The following DDX49 variants were observed in gnomAD, a reference collection of about 807,000 sequenced individuals.
The protein encoded by DDX49 is probable ATP-dependent RNA helicase DDX49.
In DDX49, 50 loss-of-function variants were observed where a neutral mutation model predicts 56.3. That is an observed-to-expected ratio of 0.89 (90% CI 0.71 to 1.12). The LOEUF (loss-of-function observed/expected upper bound fraction) is 1.12. Among genes scored for constraint, DDX49 ranks in the 50% most tolerant of loss-of-function variants. The pLI is 0.00. For missense variants in DDX49, 614 were observed against 650.5 expected (o/e 0.94, Z 0.61); for synonymous variants, 269 against 270.6 (o/e 0.99, Z 0.06).
intron 10 of DDX49, 69 bp from the exon 11 acceptor site, chr19:18,927,697 C>G (rs2056972736): frequency 4.3e-6 from 6 of 1,387,408 alleles, no homozygotes; most frequent in Non-Finnish European, 5.1e-6. Context: ...GAACTCACTA[C>G]TTGGCTGAAC....
At chr19:18,922,147 A>C in intron 4 of DDX49, 179 bp from the exon 5 acceptor site, 1 of 1,163,820 alleles carries the variant, frequency 8.6e-7, no homozygotes, top group Non-Finnish European at 1.2e-6. Flanking sequence ...CAGTCCTAGC[A>C]ATGTTATTCG....
chr19:18,924,135 A>T (rs148001226), intron 6 of DDX49, 98 bp from the exon 7 acceptor site: 80 of 1,168,734 alleles, frequency 6.8e-5, no homozygotes, highest in Non-Finnish European at 9.5e-5. Flanking sequence ...AAGCTGCATG[A>T]GGCCACTGTG....
chr19:18,928,342 C>T lies in DDX49; in HGVS notation c.*26C>T. On this transcript the variant is annotated 3_prime_UTR_variant, in exon 13 of 13. Coordinates refer to ENST00000247003, the MANE Select transcript of DDX49 (RefSeq NM_019070.5). Reference sequence around the variant, plus strand: ...GCCCCACACGGCCATCTGCCCAGTCCTTGACTCGTCCATGGAGCTGAGGGT... The same window carrying T: ...GCCCCACACGGCCATCTGCCCAGTCTTTGACTCGTCCATGGAGCTGAGGGT... The T allele has an allele frequency of 2.0e-6, 3 of 1,484,404 alleles. No individual in the cohort carries two copies. Among genetic ancestry groups the T allele is most frequent in the Non-Finnish European group, 2.7e-6 (3 of 1,118,546 alleles). The allele number at this position is 1,484,404 out of a possible 1,614,324, so 92.0% of individuals were successfully genotyped here. A position where few individuals can be genotyped will look rare whatever the true frequency, so the allele number is the denominator to read the frequency against.
rs778780637 is a variant in DDX49 at position 18,921,898 on chromosome 19, G to A, written c.381G>A (p.Thr127=). 5.0e-6 allele frequency: 8 copies of A among 1,613,786 alleles called. No individual in the cohort carries two copies. The highest frequency in any genetic ancestry group is 5.9e-6 in the Non-Finnish European group (7 of 1,180,018). ...GGAAACCACACGTGGTCATCGCCAC[G>A]CCGGGGCGCCTGGCAGATCACCTGC... is the stretch of plus-strand genomic sequence containing the variant. ...LSRKPHVVIA[T]PGRLADHLRS... Residue 127 remains threonine (T), a synonymous_variant, in exon 4 of 13, where the codon ACG becomes ACA. Transcript: ENST00000247003.
chr19:18,920,416 G>A, intron 1 of DDX49, among the ~76,000 whole-genome samples, 164 bp from the exon 2 acceptor site: 1 of 152,220 alleles, frequency 6.6e-6, no homozygotes, highest in East Asian at 1.9e-4. Flanking sequence ...CGTGCTCCTG[G>A]ACGGAGTTAG....
At chr19:18,927,123 C>T (rs986334701) in intron 10 of DDX49, among the ~76,000 whole-genome samples, 3 of 148,260 alleles carry the variant, frequency 2.0e-5, no homozygotes, top group Non-Finnish European at 3.0e-5. Flanking sequence ...AGGCCGGGCA[C>T]GGTGGCTCAC....
At chr19:18,926,459 C>T (rs1384473008) in intron 10 of DDX49, 82 bp downstream of exon 10, 24 of 1,234,340 alleles carry the variant, frequency 1.9e-5, no homozygotes, top group Middle Eastern at 2.8e-4. Context: ...CCCATTTTCC[C>T]GTCAGACACC....
Position 18,921,926 on chromosome 19 carries a change from A to G in DDX49, c.409A>G (p.Ser137Gly), listed in dbSNP as rs775896736. ...GGGGCGCCTGGCAGATCACCTGCGC[A>G]GCTCCAACACTTTTAGTATAAAGAA... Reference protein sequence around the residue: ...TPGRLADHLRSSNTFSIKKIR... With the variant: ...TPGRLADHLRGSNTFSIKKIR... Residue 137 changes from serine to glycine, a missense_variant, in exon 4 of 13, where the codon AGC (serine) becomes GGC (glycine). Transcript: ENST00000247003. The G allele has an allele frequency of 6.2e-6, 10 of 1,613,772 alleles. No homozygotes were observed. The highest frequency in any genetic ancestry group is 8.5e-6 in the Non-Finnish European group (10 of 1,179,966).
Position 18,928,318 on chromosome 19 carries a change from C to T in DDX49, c.*2C>T. The stretch of plus-strand genomic sequence containing the variant: ...GTCCCCTCCCAGGGCCTGGTCTGAG[C>T]CCCACACGGCCATCTGCCCAGTCCT... On this transcript the variant is annotated 3_prime_UTR_variant, in exon 13 of 13. Coordinates refer to ENST00000247003, the MANE Select transcript of DDX49 (RefSeq NM_019070.5). 6.5e-7 allele frequency: 1 copy of T among 1,529,540 alleles called. No individual in the cohort carries two copies. Among genetic ancestry groups the T allele is most frequent in the South Asian group, 1.3e-5 (1 of 79,310 alleles). 94.7% of individuals were successfully genotyped at this position (1,529,540 alleles called of 1,614,324 possible). A position where few individuals can be genotyped will look rare whatever the true frequency, so the allele number is the denominator to read the frequency against.
rs964874905 is a variant in DDX49, at chr19:18,928,454, G to A, written c.*138G>A. 1.5e-5 allele frequency: 13 copies of A among 845,458 alleles called. No homozygotes were observed. Among genetic ancestry groups the A allele is most frequent in the Non-Finnish European group, 1.9e-5 (11 of 564,454 alleles). 52.4% of individuals were successfully genotyped at this position (845,458 alleles called of 1,614,324 possible). A position where few individuals can be genotyped will look rare whatever the true frequency, so the allele number is the denominator to read the frequency against. ...GAACCCGTGGGCGCTCGTGTTGTGC[G>A]GGCCCTGCTCCTCTGCCCCGAAACC... On this transcript the variant is annotated 3_prime_UTR_variant, in exon 13 of 13. Coordinates refer to ENST00000247003, the MANE Select transcript of DDX49 (RefSeq NM_019070.5).
chr19:18,927,582 AAAGACAGCGGT>A (rs1246212948), intron 10 of DDX49, among the ~76,000 whole-genome samples, 173 bp from the exon 11 acceptor site: 1 of 152,036 alleles, frequency 6.6e-6, no homozygotes, highest in Admixed American at 6.6e-5. Flanking sequence ...TGAGACTCTG[AAAGACAGCGGT>A]CCATACCTTC....
Position 18,924,873 on chromosome 19 carries a change from T to C in DDX49, c.930-9T>C. 1 of 1,612,828 alleles carries C rather than the reference T, an allele frequency of 6.2e-7. No individual in the cohort carries two copies. The highest frequency in any genetic ancestry group is 8.5e-7 in the Non-Finnish European group (1 of 1,179,974). The stretch of plus-strand genomic sequence containing the variant: ...GACAGTGGAGCTGACCAGCCACCTC[T>C]GCCTCCAGGGGCCTGGACATCCCTA... On this transcript the variant is annotated splice_polypyrimidine_tract_variant and intron_variant, in intron 8 of 12. Transcript: ENST00000247003.
rs2056983287 is a variant in DDX49, at chr19:18,928,404, G to C, written c.*88G>C. On this transcript the variant is annotated 3_prime_UTR_variant, in exon 13 of 13. Transcript: ENST00000247003. Reference sequence around the variant, plus strand: ...TCCTTGGGGGCAGCAGCCCTTCCCGGGGGCCTACCCAGTGCCCCACAGCAG... The same window carrying C: ...TCCTTGGGGGCAGCAGCCCTTCCCGCGGGCCTACCCAGTGCCCCACAGCAG... 1 of 1,340,522 alleles carries C rather than the reference G, an allele frequency of 7.5e-7. No homozygotes were observed. Among genetic ancestry groups the C allele is most frequent in the African/African-American group, 1.5e-5 (1 of 67,700 alleles). The allele number at this position is 1,340,522 out of a possible 1,614,324, so 83.0% of individuals were successfully genotyped here.
In DDX49 at chr19:18,928,152, A is replaced by G; in HGVS notation, c.1288A>G (p.Lys430Glu). Residue 430 changes from lysine (K) to glutamate (E), a missense_variant, in exon 13 of 13, where the codon AAG becomes GAG. Lys to Glu is a moderately conservative substitution (Grantham distance 56, BLOSUM62 1). Transcript: ENST00000247003. ...GGACCCTGACCTGGAGGCCAAGCGC[A>G]AGGCTGAGCTGGCCAAGATCAAGCA... ...GKDPDLEAKR[K>E]AELAKIKQKN... 1.2e-6 allele frequency: 2 copies of G among 1,601,236 alleles called. No homozygotes were observed. Among genetic ancestry groups the G allele is most frequent in the Non-Finnish European group, 1.7e-6 (2 of 1,173,990 alleles).
At chr19:18,928,070 G>T in intron 12 of DDX49, 34 bp downstream of exon 12, 1 of 1,613,262 alleles carries the variant, frequency 6.2e-7, no homozygotes, top group Non-Finnish European at 8.5e-7. Context: ...GGGGTGGGTG[G>T]CCAGGTTCCC....
intron 7 of DDX49, 70 bp from the exon 8 acceptor site, chr19:18,924,553 C>G (rs2056945454): frequency 1.3e-6 from 2 of 1,543,802 alleles, no homozygotes; most frequent in African/African-American, 1.4e-5. Flanking sequence ...CGGCCTCCAC[C>G]CTGTCCCGAG....
chr19:18,922,448 C>T lies in DDX49; in HGVS notation c.570C>T (p.Thr190=), dbSNP rs771782788. The T allele has an allele frequency of 2.7e-5, 43 of 1,604,188 alleles. No homozygotes were observed. The highest frequency in any genetic ancestry group is 3.3e-5 in the South Asian group (3 of 90,258). The change falls in exon 5 of 13, where the codon ACC becomes ACT. Residue 190 remains threonine, a synonymous_variant. Transcript: ENST00000247003. Reference sequence around the variant, plus strand: ...CACTGCTGTTCAGCGCCACGCTGACCGACACACTCCGGGAGCTGCAGGGTC... The same window carrying T: ...CACTGCTGTTCAGCGCCACGCTGACTGACACACTCCGGGAGCTGCAGGGTC... The part of the protein sequence containing the change: ...RQTLLFSATL[T]DTLRELQGLA...
chr19:18,922,656 G>A lies in DDX49; in HGVS notation c.688G>A (p.Val230Ile), dbSNP rs1340523508. 4 of 1,614,100 alleles carry A rather than the reference G, an allele frequency of 2.5e-6. No homozygotes were observed. Among genetic ancestry groups the A allele is most frequent in the Admixed American group, 1.7e-5 (1 of 60,022 alleles). Residue 230 changes from valine (V) to isoleucine (I), a missense_variant, in exon 6 of 13, where the codon GTC (valine) becomes ATC (isoleucine). Val to Ile is a conservative substitution (Grantham distance 29, BLOSUM62 3). Coordinates refer to ENST00000247003, the MANE Select transcript of DDX49 (RefSeq NM_019070.5). ...GCGCTACCTGCTGGTGCCTGAGAAG[G>A]TCAAGGACGCCTACCTGGTCCACCT... ...DQRYLLVPEK[V>I]KDAYLVHLIQ...
chr19:18,924,339 C>T (rs1218667519), intron 7 of DDX49, 31 bp downstream of exon 7: 1 of 1,511,474 alleles, frequency 6.6e-7, no homozygotes, highest in Non-Finnish European at 8.8e-7. Flanking sequence ...GCCAGCCTCA[C>T]CCTGGGATAC....
Sources: gnomAD v4.1 joint callset for allele counts (sites outside exome capture counted in the v4.1 genomes callset) on GRCh38, gnomAD v4.1.1 for gene constraint, MANE v1.5 for transcripts, NCBI Gene and HGNC (gene_info 2026-07-23, HGNC 2026-07-21) for gene names.